KANK1: variants seen among roughly 807,000 people sequenced by gnomAD.
KANK1 encodes KN motif and ankyrin repeat domains 1.
Under a neutral mutation model 106.2 loss-of-function variants are expected in KANK1, and 109 were observed. The observed-to-expected ratio is 1.03, with a 90% CI of 0.88 to 1.20. The LOEUF is 1.20. Among genes scored for constraint, KANK1 ranks in the 50% most tolerant of loss-of-function variants. KANK1 has a pLI of 0.00. For synonymous variants in KANK1, 873 were observed against 652.2 expected (o/e 1.34, Z -5.16); for missense variants, 2,399 against 1,710.7 (o/e 1.40, Z -7.10).
chr9:542,785 C>T (rs2060686261), intron 1 of KANK1, among the ~76,000 whole-genome samples: 1 of 152,112 alleles, frequency 6.6e-6, no homozygotes, highest in Non-Finnish European at 1.5e-5. Context: ...ATGAAATAGC[C>T]AGGCACAGAA....
chr9:569,279 A>G (rs1326030100), intron 1 of KANK1, among the ~76,000 whole-genome samples: 1 of 152,082 alleles, frequency 6.6e-6, no homozygotes, highest in Non-Finnish European at 1.5e-5. Flanking sequence ...TAAGGTTTGA[A>G]TGTCCCATGT....
intron 1 of KANK1, among the ~76,000 whole-genome samples, chr9:556,140 G>C (rs1287646548): frequency 6.6e-6 from 1 of 152,134 alleles, no homozygotes; most frequent in African/African-American, 2.4e-5. Flanking sequence ...ACTGAATACA[G>C]AAGCATTTTA....
intron 1 of KANK1, among the ~76,000 whole-genome samples, chr9:637,923 T>C (rs947209088): frequency 2.0e-5 from 3 of 152,176 alleles, no homozygotes; most frequent in African/African-American, 7.2e-5. Context: ...AATGAAACCA[T>C]CAGAGACTCT....
chr9:704,012 C>A (rs1260312750), intron 2 of KANK1, among the ~76,000 whole-genome samples: 2 of 152,188 alleles, frequency 1.3e-5, no homozygotes, highest in Non-Finnish European at 2.9e-5. Flanking sequence ...CTGTGCCCGG[C>A]CAAAACTGTT....
chr9:734,784 C>G lies in KANK1; in HGVS notation c.3282C>G (p.Asn1094Lys), dbSNP rs1261453575. 1 of 1,613,750 alleles carries G rather than the reference C, an allele frequency of 6.2e-7. No individual in the cohort carries two copies. The highest frequency in any genetic ancestry group is 8.5e-7 in the Non-Finnish European group (1 of 1,179,638). The change falls in exon 7 of 12, where the codon AAC (asparagine) becomes AAG (lysine). Residue 1094 changes from asparagine to lysine, a missense_variant. Physicochemically the swap from Asn to Lys is moderately conservative, Grantham distance 94. Transcript: ENST00000382297. ...ELSEKMLSAC[N>K]LLKNTINDPK... ...GTGAAAAGATGTTGTCTGCATGCAA[C>G]TTACTGAAAAATACTATAAATGACC... is the stretch of plus-strand genomic sequence containing the variant.
intron 1 of KANK1, among the ~76,000 whole-genome samples, chr9:510,693 A>C (rs1012142527): frequency 6.6e-6 from 1 of 152,226 alleles, no homozygotes; most frequent in African/African-American, 2.4e-5. Flanking sequence ...GAAGATACCG[A>C]AAATAAATGA....
chr9:552,892 C>G (rs551480075), intron 1 of KANK1, among the ~76,000 whole-genome samples: 1 of 152,156 alleles, frequency 6.6e-6, no homozygotes, highest in Non-Finnish European at 1.5e-5. Context: ...CGCCTGTAAT[C>G]CTAGGACTTT....
At chr9:496,060 G>A (rs2058455571) in intron 3 of KANK1, among the ~76,000 whole-genome samples, 1 of 152,008 alleles carries the variant, frequency 6.6e-6, no homozygotes, top group Admixed American at 6.6e-5. Context: ...CAGCAACCTG[G>A]GTTCAAATTC....
intron 1 of KANK1, among the ~76,000 whole-genome samples, chr9:564,852 T>C (rs990731413): frequency 2.6e-5 from 4 of 152,238 alleles, no homozygotes; most frequent in Non-Finnish European, 5.9e-5. Flanking sequence ...CTCATTGACA[T>C]ACAGTGTTGT....
intron 1 of KANK1, among the ~76,000 whole-genome samples, chr9:507,311 T>C (rs1355142076): frequency 6.6e-6 from 1 of 151,740 alleles, no homozygotes; most frequent in Admixed American, 6.6e-5. Flanking sequence ...ACTATGATCA[T>C]GCCACTGCAC....
Position 713,166 on chromosome 9 carries a change from G to C in KANK1, c.2400G>C (p.Gly800=). ...LTASRRSVGV[G]DDPVGESLEN... ...CCAGCAGAAGGAGCGTGGGGGTTGGGGATGACCCTGTAGGGGAATCTCTGG... is the reference window on the plus strand; with the variant it reads ...CCAGCAGAAGGAGCGTGGGGGTTGGCGATGACCCTGTAGGGGAATCTCTGG... The change falls in exon 3 of 12, where the codon GGG becomes GGC. Residue 800 remains glycine, a synonymous_variant. Transcript: ENST00000382297. The C allele has an allele frequency of 6.3e-7, 1 of 1,588,506 alleles. No homozygotes were observed. The highest frequency in any genetic ancestry group is 8.6e-7 in the Non-Finnish European group (1 of 1,166,542).
At chr9:532,621 A>T (rs2060116758) in intron 1 of KANK1, among the ~76,000 whole-genome samples, 1 of 152,090 alleles carries the variant, frequency 6.6e-6, no homozygotes, top group African/African-American at 2.4e-5. Context: ...TGATACTCAG[A>T]AGCTTAACAT....
rs138465954 is a variant in KANK1, at chr9:735,749, T to G, written c.3333+914T>G. On this transcript the variant is annotated intron_variant, in intron 7 of 11. Coordinates refer to ENST00000382297, the MANE Select transcript of KANK1 (RefSeq NM_015158.5). ...TGGCTGACACCTATGATCCCAACAC[T>G]TCGGGAGGCCGATGCAGGTGGATCA... 108 of 439,076 alleles carry G rather than the reference T, an allele frequency of 2.5e-4. No individual in the cohort carries two copies. In the East Asian group the frequency reaches 7.0e-3, roughly 28 times the overall value. The allele number at this position is 439,076 out of a possible 1,614,324, so 27.2% of individuals were successfully genotyped here.
chr9:530,197 T>C (rs573115867), intron 1 of KANK1, among the ~76,000 whole-genome samples: 17 of 152,360 alleles, frequency 1.1e-4, no homozygotes, highest in African/African-American at 3.8e-4. Context: ...GTTCATCTTT[T>C]GATTCGGGTT....
At position 645,595 on chromosome 9, in the gene KANK1, C is replaced by T. The variant is rs919162741; in HGVS notation, c.-83-31295C>T. Reference sequence around the variant, plus strand: ...AGGGATTTCATTTTTTTAAATATGACTTCAGGCTGGGCGTGGTGGCTCATG... The same window carrying T: ...AGGGATTTCATTTTTTTAAATATGATTTCAGGCTGGGCGTGGTGGCTCATG... On this transcript the variant is annotated intron_variant, in intron 1 of 11. Coordinates refer to ENST00000382297, the MANE Select transcript of KANK1 (RefSeq NM_015158.5). Among the ~76,000 whole-genome samples, 6 of 150,220 alleles carry T rather than the reference C, an allele frequency of 4.0e-5. 1 individual carries two copies. The highest frequency in any genetic ancestry group is 1.5e-4 in the African/African-American group (6 of 39,884).
intron 1 of KANK1, among the ~76,000 whole-genome samples, chr9:663,763 C>T (rs1843917588): frequency 6.6e-6 from 1 of 152,180 alleles, no homozygotes; most frequent in East Asian, 1.9e-4. Flanking sequence ...ATTCTGAAAG[C>T]ATTTGCAGGC....
At chr9:598,528 T>G (rs1826799173) in intron 1 of KANK1, among the ~76,000 whole-genome samples, 2 of 151,350 alleles carry the variant, frequency 1.3e-5, no homozygotes, top group African/African-American at 4.9e-5. Flanking sequence ...GGTCTTATTC[T>G]TCAGCAGTGT....
intron 1 of KANK1, among the ~76,000 whole-genome samples, chr9:637,873 TC>T (rs1206950373): frequency 6.6e-6 from 1 of 152,126 alleles, no homozygotes; most frequent in Non-Finnish European, 1.5e-5. Context: ...TTTTCATAAG[TC>T]CCAAAAGCAG....
chr9:703,616 G>C (rs1339297793), intron 2 of KANK1, among the ~76,000 whole-genome samples: 1 of 152,102 alleles, frequency 6.6e-6, no homozygotes, highest in African/African-American at 2.4e-5. Context: ...GATATAGCCA[G>C]TGGAATTTTG....
Sources: gnomAD v4.1 joint callset for allele counts (sites outside exome capture counted in the v4.1 genomes callset) on GRCh38, gnomAD v4.1.1 for gene constraint, MANE v1.5 for transcripts, NCBI Gene and HGNC (gene_info 2026-07-23, HGNC 2026-07-21) for gene names.